Variants in HIVEP3 observed in about 807,000 individuals in gnomAD.
HIVEP3 encodes the protein transcription factor HIVEP3.
In HIVEP3, 49 loss-of-function variants were observed where a neutral mutation model predicts 152.8. The observed-to-expected ratio is 0.32, with a 90% CI of 0.26 to 0.41. The LOEUF (loss-of-function observed/expected upper bound fraction) is 0.41. HIVEP3 is among the 10% of genes least tolerant of loss of function. HIVEP3 has a pLI of 1.00. For synonymous variants in HIVEP3, 1,269 were observed against 1,289.0 expected (o/e 0.98, Z 0.33); for missense variants, 2,790 against 3,103.3 (o/e 0.90, Z 2.40).
chr1:41,730,111 G>A (rs148950087), intron 1 of HIVEP3, among the ~76,000 whole-genome samples: 7 of 152,288 alleles, frequency 4.6e-5, no homozygotes, highest in Admixed American at 3.3e-4. Flanking sequence ...GTGGGAATTC[G>A]CCCCCTTTCT....
chr1:41,788,155 C>G (rs76452950), intron 1 of HIVEP3, among the ~76,000 whole-genome samples: 1 of 152,134 alleles, frequency 6.6e-6, no homozygotes, highest in Non-Finnish European at 1.5e-5. Context: ...GACAACCCAC[C>G]GCAAGGAGTG....
chr1:41,789,599 T>C (rs1055548825), intron 1 of HIVEP3, among the ~76,000 whole-genome samples: 1 of 152,206 alleles, frequency 6.6e-6, no homozygotes, highest in Admixed American at 6.5e-5. Context: ...CAAAGCTAAG[T>C]AAACAAATCA....
intron 1 of HIVEP3, among the ~76,000 whole-genome samples, chr1:41,972,245 C>T (rs1168937827): frequency 1.3e-5 from 2 of 152,230 alleles, no homozygotes; most frequent in African/African-American, 4.8e-5. Context: ...CACCTCCCCT[C>T]TGCTATACTC....
intron 6 of HIVEP3, among the ~76,000 whole-genome samples, chr1:41,522,446 G>A (rs1395131763): frequency 6.6e-6 from 1 of 152,230 alleles, no homozygotes; most frequent in Non-Finnish European, 1.5e-5. Flanking sequence ...CCTGTGAACA[G>A]TTGAGGAAGA....
Position 41,727,045 on chromosome 1 carries a change from T to C in HIVEP3, c.-800-26050A>G, listed in dbSNP as rs77192931. On this transcript the variant is annotated intron_variant, in intron 1 of 8. Coordinates refer to ENST00000372583, the MANE Select transcript of HIVEP3 (RefSeq NM_024503.5). ...GGAGGCACAGATGGCGAGGTCTGCC[T>C]TTGGCCAGGTGTGGGCGCCCAGTGT... Among the ~76,000 whole-genome samples the C allele has an allele frequency of 5.1e-3, 771 of 152,228 alleles. 6 individuals carry two copies. Among genetic ancestry groups the C allele is most frequent in the Non-Finnish European group, 8.3e-3 (566 of 67,996 alleles).
At chr1:41,932,828 C>A (rs1048440192) in intron 1 of HIVEP3, among the ~76,000 whole-genome samples, 3 of 151,750 alleles carry the variant, frequency 2.0e-5, no homozygotes, top group Non-Finnish European at 4.4e-5. Flanking sequence ...AAATTTCCAT[C>A]TATACACTAC....
At chr1:41,577,625 C>G (rs561350085) in intron 4 of HIVEP3, among the ~76,000 whole-genome samples, 119 of 152,170 alleles carry the variant, frequency 7.8e-4, no homozygotes, top group Admixed American at 3.1e-3. Context: ...GTGTCCTAGA[C>G]CTGCATGAAG....
rs149575203 is a variant in HIVEP3, at chr1:41,587,753, G to A, written c.-521-2435C>T. 3.2e-4 allele frequency among the ~76,000 whole-genome samples: 48 copies of A among 152,222 alleles called. 1 individual carries two copies. In the East Asian group the frequency reaches 7.9e-3, roughly 25 times the overall value. On this transcript the variant is annotated intron_variant, in intron 3 of 8. Transcript: ENST00000372583. ...ATATGATTTTCCCTGAAAATCACAC[G>A]GGAATGGTGGCAGGACTGGACCATC...
chr1:41,669,198 T>C (rs1293473119), intron 2 of HIVEP3, among the ~76,000 whole-genome samples: 2 of 152,124 alleles, frequency 1.3e-5, no homozygotes, highest in South Asian at 2.1e-4. Context: ...CCTGGCTGTG[T>C]CCTATTTAGA....
intron 1 of HIVEP3, among the ~76,000 whole-genome samples, chr1:41,982,780 C>T (rs1462426035): frequency 6.6e-6 from 1 of 152,126 alleles, no homozygotes; most frequent in Admixed American, 6.5e-5. Context: ...TAGGTCTTGG[C>T]CAATTGAAAG....
chr1:41,757,449 G>A (rs1647385135), intron 1 of HIVEP3, among the ~76,000 whole-genome samples: 1 of 151,864 alleles, frequency 6.6e-6, no homozygotes, highest in African/African-American at 2.4e-5. Flanking sequence ...GCTGAGAGTG[G>A]TGGTTTCACC....
At chr1:41,858,532 C>A (rs1643833025) in intron 1 of HIVEP3, among the ~76,000 whole-genome samples, 1 of 152,178 alleles carries the variant, frequency 6.6e-6, no homozygotes, top group Non-Finnish European at 1.5e-5. Context: ...GACCACTCTC[C>A]TAGGATATGT....
intron 1 of HIVEP3, among the ~76,000 whole-genome samples, chr1:41,885,105 A>C (rs1644324118): frequency 6.6e-6 from 1 of 152,204 alleles, no homozygotes; most frequent in Non-Finnish European, 1.5e-5. Flanking sequence ...CATATTGCTC[A>C]GAATCTCCTC....
At chr1:41,824,784 T>TATAG (rs1553266584) in intron 1 of HIVEP3, among the ~76,000 whole-genome samples, 11 of 11,388 alleles carry the variant, frequency 9.7e-4, no homozygotes, top group African/African-American at 1.6e-3. Context: ...TATATATATA[T>TATAG]AGAGAGAGAG....
At chr1:42,033,772 T>C (rs1645626318) in intron 1 of HIVEP3, among the ~76,000 whole-genome samples, 1 of 152,222 alleles carries the variant, frequency 6.6e-6, no homozygotes, top group African/African-American at 2.4e-5. Flanking sequence ...TATCATATTG[T>C]ACAGACAGCA....
At chr1:41,624,412 C>T (rs1358224187) in intron 3 of HIVEP3, among the ~76,000 whole-genome samples, 4 of 152,236 alleles carry the variant, frequency 2.6e-5, no homozygotes, top group Admixed American at 1.3e-4. Flanking sequence ...TGGGAACACA[C>T]TGAATATAGC....
chr1:42,033,570 T>C (rs1486576179), intron 1 of HIVEP3, among the ~76,000 whole-genome samples: 1 of 152,194 alleles, frequency 6.6e-6, no homozygotes, highest in Non-Finnish European at 1.5e-5. Context: ...TTCCCTAAGG[T>C]AGTAAGGCTA....
intron 1 of HIVEP3, among the ~76,000 whole-genome samples, chr1:41,962,739 A>C (rs979085752): frequency 1.3e-4 from 20 of 152,248 alleles, no homozygotes; most frequent in Non-Finnish European, 2.1e-4. Context: ...ATAATAAAAA[A>C]AATTTCTGAA....
chr1:41,720,260 A>T (rs1382147672), intron 1 of HIVEP3, among the ~76,000 whole-genome samples: 1 of 152,212 alleles, frequency 6.6e-6, no homozygotes. Flanking sequence ...GGCTGCTCCC[A>T]GGCCCCAGAC....
Sources: gnomAD v4.1 joint callset for allele counts (sites outside exome capture counted in the v4.1 genomes callset) on GRCh38, gnomAD v4.1.1 for gene constraint, MANE v1.5 for transcripts, NCBI Gene and HGNC (gene_info 2026-07-23, HGNC 2026-07-21) for gene names.